The following UBAP1L variants were observed in gnomAD, a reference collection of about 807,000 sequenced individuals.
The protein encoded by UBAP1L is ubiquitin-associated protein 1-like.
Under a neutral mutation model 32.1 loss-of-function variants are expected in UBAP1L, and 32 were observed. That is an observed-to-expected ratio of 1.00 (90% CI 0.75 to 1.34). The LOEUF (loss-of-function observed/expected upper bound fraction) is 1.34, where lower values mean the gene tolerates loss of function less well. Among genes scored for constraint, UBAP1L ranks in the 40% most tolerant of loss-of-function variants. UBAP1L has a pLI of 0.00. For missense variants in UBAP1L, 516 were observed against 540.5 expected (o/e 0.95, Z 0.45); for synonymous variants, 243 against 250.2 (o/e 0.97, Z 0.27).
At chr15:65,105,010 GAAA>G (rs1215816581) in intron 2 of UBAP1L, 33 of 173,262 alleles carry the variant, frequency 1.9e-4, no homozygotes, top group Non-Finnish European at 2.8e-4. Context: ...TGTCTCAAAT[GAAA>G]AAAAAAAAAA....
In UBAP1L at chr15:65,099,576, C is replaced by A. The variant is rs1475132459; in HGVS notation, c.838G>T (p.Val280Phe). Residue 280 changes from valine to phenylalanine, a missense_variant, in exon 4 of 6, where the codon GTC becomes TTC. Coordinates refer to ENST00000559089, the MANE Select transcript of UBAP1L (RefSeq NM_001163692.2). ...QEEQDLIGPV[V>F]ALGYPLRRAI... ...CTTCGCAGGGGATATCCCAGGGCGA[C>A]CACTGGCCCAATGAGGTCTTGCTCC... The A allele has an allele frequency of 6.4e-7, 1 of 1,551,502 alleles. No homozygotes were observed. Among genetic ancestry groups the A allele is most frequent in the Admixed American group, 2.0e-5 (1 of 50,986 alleles).
intron 1 of UBAP1L, among the ~76,000 whole-genome samples, chr15:65,107,902 T>A (rs959245915): frequency 7.2e-5 from 11 of 152,166 alleles, no homozygotes; most frequent in African/African-American, 2.7e-4. Flanking sequence ...ATTGTAAAAC[T>A]GAATCTTGTA....
intron 2 of UBAP1L, among the ~76,000 whole-genome samples, chr15:65,104,300 G>A (rs1278790654): frequency 4.0e-5 from 6 of 150,356 alleles, no homozygotes; most frequent in African/African-American, 1.5e-4. Flanking sequence ...GAGAGAGAGA[G>A]CGAGACAGAG....
chr15:65,099,704 G>C lies in UBAP1L; in HGVS notation c.710C>G (p.Pro237Arg), dbSNP rs545763415. ...CCCAAGAGGTGGCAGACAGGTGTAC[G>C]GGCTGAGGGACTGAAATACAGACAG... ...SHKPTVASLS[P>R]YTCLPPLGGA... is the part of the protein sequence containing the mutation. Residue 237 changes from proline to arginine, a missense_variant, in exon 4 of 6, where the codon CCG becomes CGG. Physicochemically the swap from Pro to Arg is moderately radical, Grantham distance 103 (BLOSUM62 -2). Coordinates refer to ENST00000559089, the MANE Select transcript of UBAP1L (RefSeq NM_001163692.2). 1.5e-4 allele frequency: 226 copies of C among 1,548,344 alleles called. 1 individual carries two copies. The highest frequency in any genetic ancestry group is 1.2e-3 in the Middle Eastern group (7 of 5,982).
In UBAP1L at chr15:65,094,558, C is replaced by G. The variant is rs1244567916; in HGVS notation, c.928G>C (p.Ala310Pro). Residue 310 changes from alanine (A) to proline (P), a missense_variant, in exon 5 of 6, where the codon GCC becomes CCC. Coordinates refer to ENST00000559089, the MANE Select transcript of UBAP1L (RefSeq NM_001163692.2). This position sits in a 1 kb window ranked among gnomAD's most constrained non-coding sequence, Gnocchi z 4.2. ...CCCTGACGTAACAGGCGGTCACAGG[C>G]ACTGAGGTAGCTGAGAAACTGGGCC... ...SLSQFLSYLS[A>P]CDRLLRQGYE... 1 of 1,551,370 alleles carries G rather than the reference C, an allele frequency of 6.4e-7. No homozygotes were observed. The highest frequency in any genetic ancestry group is 1.4e-5 in the African/African-American group (1 of 73,040).
chr15:65,102,724 GA>G lies in UBAP1L; in HGVS notation c.121-41del. 6.6e-7 allele frequency: 1 copy of G among 1,525,910 alleles called. No homozygotes were observed. The highest frequency in any genetic ancestry group is 8.8e-7 in the Non-Finnish European group (1 of 1,136,396). 94.5% of individuals were successfully genotyped at this position (1,525,910 alleles called of 1,614,324 possible). A position where few individuals can be genotyped will look rare whatever the true frequency, so the allele number is the denominator to read the frequency against. Reference sequence around the variant, plus strand: ...CGACGTAAAGCCCAGGGCAAACCAGGACCCCGGGGGCACAACACTAACCCCT... The same window carrying G: ...CGACGTAAAGCCCAGGGCAAACCAGGCCCCGGGGGCACAACACTAACCCCT... On this transcript the variant is annotated intron_variant, in intron 2 of 5. Transcript: ENST00000559089. This position sits in a 1 kb window ranked among gnomAD's most constrained non-coding sequence, Gnocchi z 5.0.
chr15:65,102,332 GC>G lies in UBAP1L; in HGVS notation c.472del (p.Ala158ArgfsTer27), dbSNP rs1327840576. On this transcript the variant is annotated frameshift_variant, in exon 3 of 6. Coordinates refer to ENST00000559089, the MANE Select transcript of UBAP1L (RefSeq NM_001163692.2). LOFTEE classifies it high-confidence loss of function. The surrounding 1 kb of genome is among the most constrained non-coding windows in gnomAD (Gnocchi z 5.0). ...CTTCCCCTCGGAGAGCCGCCGCCGC[GC>G]CCCTGCCAGCTCCAACCGCACGCCG... ...LRGVRLELAG[A>X]RRRLSEGKLV... The G allele has an allele frequency of 1.8e-5, 26 of 1,454,452 alleles. No homozygotes were observed. Among genetic ancestry groups the G allele is most frequent in the Middle Eastern group, 2.4e-4 (1 of 4,202 alleles). 90.1% of individuals were successfully genotyped at this position (1,454,452 alleles called of 1,614,324 possible).
chr15:65,099,582 GC>G lies in UBAP1L; in HGVS notation c.831del (p.Pro278GlnfsTer14). The G allele has an allele frequency of 6.4e-7, 1 of 1,551,618 alleles. No individual in the cohort carries two copies. The highest frequency in any genetic ancestry group is 8.7e-7 in the Non-Finnish European group (1 of 1,146,984). On this transcript the variant is annotated frameshift_variant, in exon 4 of 6. Transcript: ENST00000559089. LOFTEE classifies it high-confidence loss of function. ...ALSQEEQDLI[G>X]PVVALGYPLR... is the part of the protein sequence containing the mutation. ...AGGGGATATCCCAGGGCGACCACTG[GC>G]CCAATGAGGTCTTGCTCCTCCTGGC... is the stretch of plus-strand genomic sequence containing the variant.
intron 1 of UBAP1L, among the ~76,000 whole-genome samples, chr15:65,111,657 G>C (rs575754450): frequency 6.9e-6 from 1 of 145,826 alleles, no homozygotes. Flanking sequence ...GCTAATTTTT[G>C]TATCTGTAGT....
chr15:65,104,792 G>T, intron 2 of UBAP1L: 1 of 194,848 alleles, frequency 5.1e-6, no homozygotes, highest in Non-Finnish European at 1.1e-5. Context: ...TGGATCACGA[G>T]GTCATGAGAT....
intron 4 of UBAP1L, chr15:65,097,915 T>C (rs2414875): frequency 0.73 from 111,382 of 152,032 alleles, 42,680 homozygotes; most frequent in East Asian, 0.99. Context: ...TACTCATCAG[T>C]GATGATGGAG....
chr15:65,093,321 T>C lies in UBAP1L; in HGVS notation c.1012-90A>G, dbSNP rs527384812. ...CCCCAGCTCCAGTGCCTACTGCACC[T>C]AGTCCCAAAAAGCTGTGGCTACCCC... On this transcript the variant is annotated intron_variant, in intron 5 of 5. Transcript: ENST00000559089. The C allele has an allele frequency of 2.1e-3, 2,938 of 1,411,280 alleles. 13 individuals are homozygous for C. Among genetic ancestry groups the C allele is most frequent in the Non-Finnish European group, 2.3e-3 (2,470 of 1,084,342 alleles). The allele number at this position is 1,411,280 out of a possible 1,614,324, so 87.4% of individuals were successfully genotyped here. A position where few individuals can be genotyped will look rare whatever the true frequency, so the allele number is the denominator to read the frequency against.
chr15:65,109,690 T>C (rs1345385197), intron 1 of UBAP1L, among the ~76,000 whole-genome samples: 5 of 152,156 alleles, frequency 3.3e-5, no homozygotes, highest in Admixed American at 1.3e-4. Context: ...CAAAAGAGGA[T>C]ATCCAAATAG....
At chr15:65,105,785 CAA>C in intron 2 of UBAP1L, 1 of 700,848 alleles carries the variant, frequency 1.4e-6, no homozygotes, top group Non-Finnish European at 2.6e-6. Flanking sequence ...GTCGGTGGCC[CAA>C]AAAGAGTGCT....
In UBAP1L at chr15:65,094,735, G is replaced by A. The variant is rs1040404509; in HGVS notation, c.910-159C>T. 6 of 640,494 alleles carry A rather than the reference G, an allele frequency of 9.4e-6. No homozygotes were observed. In the Admixed American group the frequency reaches 9.7e-5, roughly 10 times the overall value. The allele number at this position is 640,494 out of a possible 1,614,324, so 39.7% of individuals were successfully genotyped here. A position where few individuals can be genotyped will look rare whatever the true frequency, so the allele number is the denominator to read the frequency against. On this transcript the variant is annotated intron_variant, in intron 4 of 5. Transcript: ENST00000559089. This position sits in a 1 kb window ranked among gnomAD's most constrained non-coding sequence, Gnocchi z 4.2. The stretch of plus-strand genomic sequence containing the variant: ...CAGAGAGCCCGTGAACCCACAGAAG[G>A]GGGATAGAGGCTTTCTCTGAGTGCC...
intron 4 of UBAP1L, chr15:65,095,100 AGAG>A (rs2087158785): frequency 6.4e-6 from 1 of 155,104 alleles, no homozygotes; most frequent in South Asian, 2.0e-4. Flanking sequence ...GGGTAGGCAA[AGAG>A]GAGGATTCCA....
rs1193428988 is a variant in UBAP1L at position 65,102,669 on chromosome 15, C to T, written c.136G>A (p.Glu46Lys). 6.5e-7 allele frequency: 1 copy of T among 1,547,920 alleles called. No individual in the cohort carries two copies. The change falls in exon 3 of 6, where the codon GAG becomes AAG. Residue 46 changes from glutamate to lysine, a missense_variant. Glu to Lys is a moderately conservative substitution (Grantham distance 56). Transcript: ENST00000559089. The surrounding 1 kb of genome is among the most constrained non-coding windows in gnomAD (Gnocchi z 5.0). ...LLGSMHDFSLERTALFWVEAA... is the reference protein window; with the variant it reads ...LLGSMHDFSLKRTALFWVEAA... Reference sequence around the variant, plus strand: ...TCCACCCAGAAGAGTGCCGTCCTCTCCAGGCTGAAGTCGTGCTGCGGAAAG... The same window carrying T: ...TCCACCCAGAAGAGTGCCGTCCTCTTCAGGCTGAAGTCGTGCTGCGGAAAG...
At chr15:65,093,625 T>C (rs2087142139) in intron 5 of UBAP1L, among the ~76,000 whole-genome samples, 1 of 152,164 alleles carries the variant, frequency 6.6e-6, no homozygotes, top group Non-Finnish European at 1.5e-5. Flanking sequence ...TGCACTTTCC[T>C]TCCCCTCCGA....
At chr15:65,093,352 C>T (rs1177775047) in intron 5 of UBAP1L, 121 bp from the exon 6 acceptor site, 7 of 1,268,998 alleles carry the variant, frequency 5.5e-6, no homozygotes, top group Non-Finnish European at 7.3e-6. Context: ...ACCCCCAGGC[C>T]ACGTGAGCCT....
Sources: gnomAD v4.1 joint callset for allele counts (sites outside exome capture counted in the v4.1 genomes callset) on GRCh38, gnomAD v4.1.1 for gene constraint, Gnocchi (gnomAD v3.1) non-coding constraint, MANE v1.5 for transcripts, NCBI Gene and HGNC (gene_info 2026-07-23, HGNC 2026-07-21) for gene names.